ALPK1: variants seen among roughly 807,000 people sequenced by gnomAD.
The protein encoded by ALPK1 is alpha kinase 1.
Under a neutral mutation model 120.6 loss-of-function variants are expected in ALPK1, and 110 were observed. That is an observed-to-expected ratio of 0.91 (90% confidence interval 0.78 to 1.07). ALPK1 has a LOEUF of 1.07. ALPK1 is among the 50% of genes least tolerant of loss of function. The probability of loss-of-function intolerance (pLI) is 0.00; values close to 1 mark genes in which losing one functional copy is unlikely to be tolerated. For synonymous variants in ALPK1, 582 were observed against 560.3 expected (o/e 1.04, Z -0.55); for missense variants, 1,498 against 1,483.9 (o/e 1.01, Z -0.16).
chr4:112,412,124 G>GGCCCTGCGTGCCATCTTTCCGA, intron 5 of ALPK1, 99 bp downstream of exon 5: 1 of 1,447,514 alleles, frequency 6.9e-7, no homozygotes, highest in Non-Finnish European at 9.5e-7. Flanking sequence ...GGAGCACCCG[G>GGCCCTGCGTGCCATCTTTCCGA]GCCCTGCGTG....
intron 2 of ALPK1, among the ~76,000 whole-genome samples, chr4:112,363,403 G>C (rs1220380572): frequency 1.3e-5 from 2 of 152,150 alleles, no homozygotes; most frequent in African/African-American, 4.8e-5. Context: ...AGCAGGAATA[G>C]CTATTCATGT....
chr4:112,376,302 TTCA>T (rs750183037), intron 2 of ALPK1, among the ~76,000 whole-genome samples: 1 of 152,248 alleles, frequency 6.6e-6, no homozygotes, highest in Non-Finnish European at 1.5e-5. Context: ...GCTTGTGTTC[TTCA>T]TCAACAAATA....
intron 4 of ALPK1, among the ~76,000 whole-genome samples, chr4:112,386,395 A>G (rs745899990): frequency 6.6e-6 from 1 of 152,230 alleles, no homozygotes; most frequent in Non-Finnish European, 1.5e-5. Flanking sequence ...TGGGAGATTA[A>G]TGTGGCTGTA....
At chr4:112,311,588 C>T (rs1728402937) in intron 1 of ALPK1, among the ~76,000 whole-genome samples, 2 of 152,220 alleles carry the variant, frequency 1.3e-5, no homozygotes, top group African/African-American at 4.8e-5. Context: ...AGATGACACA[C>T]TTGCCAGAGC....
chr4:112,317,044 T>C (rs570613807), intron 2 of ALPK1, among the ~76,000 whole-genome samples: 1 of 152,188 alleles, frequency 6.6e-6, no homozygotes, highest in Non-Finnish European at 1.5e-5. Context: ...TCCAAAATTG[T>C]AGTTTCAAAT....
At chr4:112,401,328 G>A in intron 4 of ALPK1, among the ~76,000 whole-genome samples, 1 of 152,208 alleles carries the variant, frequency 6.6e-6, no homozygotes, top group East Asian at 1.9e-4. Context: ...AGTAGGGTCA[G>A]TGAATTGTAT....
At chr4:112,380,445 A>G (rs1358613533) in intron 3 of ALPK1, among the ~76,000 whole-genome samples, 2 of 152,170 alleles carry the variant, frequency 1.3e-5, no homozygotes, top group Non-Finnish European at 2.9e-5. Context: ...CCTGTAAGCC[A>G]TCCTCGGTAA....
In ALPK1 at chr4:112,382,274, G is replaced by A. The variant is rs796929629; in HGVS notation, c.122-124G>A. ...GCTTAGACCAGCCAGCAAGAGGCAG[G>A]GAAAAGGTTTTTCTCTTTTTTTTTT... On this transcript the variant is annotated intron_variant, in intron 3 of 15. Transcript: ENST00000650871. 4.7e-5 allele frequency: 55 copies of A among 1,168,070 alleles called. No homozygotes were observed. The African/African-American group carries it at 7.3e-4, about 15-fold the overall frequency. 72.4% of individuals were successfully genotyped at this position (1,168,070 alleles called of 1,614,324 possible).
chr4:112,356,346 C>T (rs2148713764), intron 2 of ALPK1: 1 of 866,840 alleles, frequency 1.2e-6, no homozygotes, highest in Admixed American at 1.7e-5. Context: ...TGCAATTTTG[C>T]CGATAGGGTG....
chr4:112,371,278 A>AT (rs922454850), intron 2 of ALPK1, among the ~76,000 whole-genome samples: 13 of 152,152 alleles, frequency 8.5e-5, no homozygotes, highest in Admixed American at 5.2e-4. Flanking sequence ...AAACAGAGTG[A>AT]TTTTTTCCAA....
chr4:112,297,604 T>A (rs1727593774), intron 1 of ALPK1, 135 bp downstream of exon 1: 1 of 151,844 alleles, frequency 6.6e-6, no homozygotes, highest in African/African-American at 2.4e-5. Flanking sequence ...CTAAGAACCT[T>A]TGCACTTCTA....
chr4:112,354,820 A>G (rs954734076), intron 2 of ALPK1, among the ~76,000 whole-genome samples: 16 of 152,186 alleles, frequency 1.1e-4, no homozygotes, highest in African/African-American at 3.4e-4. Flanking sequence ...TTAATTATAT[A>G]CTAATTTATT....
rs1479588534 is a variant in ALPK1 at position 112,306,182 on chromosome 4, T to C, written c.-153+8713T>C. Among the ~76,000 whole-genome samples the C allele has an allele frequency of 3.3e-5, 5 of 152,070 alleles. No homozygotes were observed. The East Asian group carries it at 9.6e-4, about 29-fold the overall frequency. The stretch of plus-strand genomic sequence containing the variant: ...TTTATTGAGGATTTTTGCATCGATG[T>C]TCATCAGGGATATTGGTCTAAAATT... On this transcript the variant is annotated intron_variant, in intron 1 of 15. Coordinates refer to ENST00000650871, the MANE Select transcript of ALPK1 (RefSeq NM_025144.4).
At position 112,431,607 on chromosome 4, in the gene ALPK1, G is replaced by T; in HGVS notation, c.2060G>T (p.Gly687Val). The change falls in exon 11 of 16, where the codon GGT (glycine) becomes GTT (valine). Residue 687 changes from glycine (G) to valine (V), a missense_variant. Transcript: ENST00000650871. ...HNTPGIFLAP[G>V]AGLLEGAPEG... ...ACCCCAGGCATTTTCTTGGCCCCTG[G>T]TGCAGGGCTTCTAGAAGGAGCTCCA... The T allele has an allele frequency of 6.2e-7, 1 of 1,614,152 alleles. No individual in the cohort carries two copies. The highest frequency in any genetic ancestry group is 8.5e-7 in the Non-Finnish European group (1 of 1,180,030).
chr4:112,358,949 G>A, intron 2 of ALPK1: 1 of 769,292 alleles, frequency 1.3e-6, no homozygotes, highest in South Asian at 1.3e-5. Context: ...GCTTCTACCA[G>A]TTTGTGCAGC....
chr4:112,303,857 G>A lies in ALPK1; in HGVS notation c.-153+6388G>A, dbSNP rs548440339. Among the ~76,000 whole-genome samples the A allele has an allele frequency of 1.4e-4, 21 of 151,896 alleles. No individual in the cohort carries two copies. The South Asian group carries it at 2.1e-3, about 15-fold the overall frequency. On this transcript the variant is annotated intron_variant, in intron 1 of 15. Transcript: ENST00000650871. ...GTTGGTGTGCTGCACCCATTAACTC[G>A]TCATTTACATTAGGTATATCTCCTA...
Position 112,321,726 on chromosome 4 carries a change from G to A in ALPK1, c.-101+5874G>A, listed in dbSNP as rs184558179. Among the ~76,000 whole-genome samples the A allele has an allele frequency of 4.4e-3, 671 of 152,122 alleles. 2 individuals carry two copies. The highest frequency in any genetic ancestry group is 6.3e-3 in the Non-Finnish European group (427 of 67,990). ...AGTGGATTAGTGAGTTTTTTCATAA[G>A]ACAAAATTCAAAAAGATTAATGGAT... On this transcript the variant is annotated intron_variant, in intron 2 of 15. Coordinates refer to ENST00000650871, the MANE Select transcript of ALPK1 (RefSeq NM_025144.4).
At chr4:112,335,968 G>A (rs1729601010) in intron 2 of ALPK1, among the ~76,000 whole-genome samples, 1 of 152,018 alleles carries the variant, frequency 6.6e-6, no homozygotes. Flanking sequence ...CTTTCATGGG[G>A]CTTTGCATTC....
chr4:112,414,819 G>C (rs1415227419), intron 5 of ALPK1: 4 of 153,840 alleles, frequency 2.6e-5, no homozygotes, highest in Non-Finnish European at 5.8e-5. Flanking sequence ...AAACATAAAA[G>C]GTATTTAAAA....
Sources: gnomAD v4.1 joint callset for allele counts (sites outside exome capture counted in the v4.1 genomes callset) on GRCh38, gnomAD v4.1.1 for gene constraint, MANE v1.5 for transcripts, NCBI Gene and HGNC (gene_info 2026-07-23, HGNC 2026-07-21) for gene names.